The following CCDC122 variants were observed in gnomAD, a reference collection of about 807,000 sequenced individuals.
CCDC122 encodes the protein coiled-coil domain containing 122.
A neutral mutation model predicts 37.0 loss-of-function variants in CCDC122; 38 were observed. That is an observed-to-expected ratio of 1.03 (90% CI 0.79 to 1.35). The LOEUF (loss-of-function observed/expected upper bound fraction) is 1.35, where lower values mean the gene tolerates loss of function less well. Ranked by LOEUF, CCDC122 falls within the 40% of genes most tolerant of loss-of-function variation. CCDC122 has a pLI of 0.00. For missense variants in CCDC122, 305 were observed against 310.0 expected (o/e 0.98, Z 0.12); for synonymous variants, 83 against 95.6 (o/e 0.87, Z 0.77).
At chr13:43,828,634 T>A (rs1953061990) in intron 3 of CCDC122, among the ~76,000 whole-genome samples, 1 of 151,400 alleles carries the variant, frequency 6.6e-6, no homozygotes, top group Non-Finnish European at 1.5e-5. Flanking sequence ...ATCTCCTGGG[T>A]AACAAGAATT....
chr13:43,832,358 G>A (rs555341281), downstream of CCDC122, among the ~76,000 whole-genome samples: 5 of 152,088 alleles, frequency 3.3e-5, no homozygotes, highest in East Asian at 5.8e-4. Context: ...TGACTCCCCC[G>A]CAAATAGTTC....
At chr13:43,867,197 T>C (rs1954300709) in intron 4 of CCDC122, among the ~76,000 whole-genome samples, 1 of 152,156 alleles carries the variant, frequency 6.6e-6, no homozygotes, top group South Asian at 2.1e-4. Flanking sequence ...AAATTTAATA[T>C]TTGTTTCTTG....
chr13:43,845,218 T>C (rs1266669256), intron 6 of CCDC122, among the ~76,000 whole-genome samples: 1 of 152,204 alleles, frequency 6.6e-6, no homozygotes, highest in Non-Finnish European at 1.5e-5. Flanking sequence ...TATCAGTACA[T>C]GTAAAAATAT....
At chr13:43,873,512 G>A (rs1467007308) in intron 2 of CCDC122, among the ~76,000 whole-genome samples, 2 of 152,118 alleles carry the variant, frequency 1.3e-5, no homozygotes, top group African/African-American at 4.8e-5. Context: ...AGAGCCCAAG[G>A]CAATTCAACT....
chr13:43,820,373 A>T (rs1952984703), downstream of CCDC122, among the ~76,000 whole-genome samples: 1 of 152,178 alleles, frequency 6.6e-6, no homozygotes. Flanking sequence ...TTCAGGTCTA[A>T]GGCGGGGAAT....
At chr13:43,850,086 T>C (rs962497606) in intron 6 of CCDC122, among the ~76,000 whole-genome samples, 3 of 152,134 alleles carry the variant, frequency 2.0e-5, no homozygotes, top group African/African-American at 7.2e-5. Flanking sequence ...TTAGGAGTAG[T>C]AGCAAGGATT....
chr13:43,844,476 T>C (rs944587965), intron 6 of CCDC122, among the ~76,000 whole-genome samples: 7 of 152,060 alleles, frequency 4.6e-5, no homozygotes, highest in Admixed American at 3.9e-4. Context: ...GTAGTTGTTA[T>C]GTGGAGTGCT....
chr13:43,854,478 T>C (rs1052782591), intron 6 of CCDC122: 2 of 152,188 alleles, frequency 1.3e-5, no homozygotes, highest in African/African-American at 4.8e-5. Flanking sequence ...ATTAATTCAG[T>C]AATAAATAGC....
rs1415071019 is a variant in CCDC122, at chr13:43,860,028, CAG to C, written c.197_198del (p.Ser66CysfsTer4). The stretch of plus-strand genomic sequence containing the variant: ...TGTCTTTCTGTTTCTTTAGTTTCTG[CAG>C]AGATAGCTGCTATTTCTTTTTCAAG... ...HELEKEIAAISAETKETERQI... is the reference protein window; with the variant it reads ...HELEKEIAAIXAETKETERQI... On this transcript the variant is annotated frameshift_variant, in exon 5 of 7. Transcript: ENST00000444614. LOFTEE classifies it high-confidence loss of function. The C allele has an allele frequency of 3.8e-6, 6 of 1,559,830 alleles. No individual in the cohort carries two copies. The African/African-American group carries it at 5.5e-5, about 14-fold the overall frequency.
intron 3 of CCDC122, 64 bp downstream of exon 3, chr13:43,869,267 G>T: frequency 8.3e-7 from 1 of 1,203,400 alleles, no homozygotes; most frequent in Non-Finnish European, 1.2e-6. Flanking sequence ...CAATTATCCT[G>T]CCAGACTACT....
At chr13:43,829,631 A>G (rs1594810302) in intron 3 of CCDC122, among the ~76,000 whole-genome samples, 1 of 152,148 alleles carries the variant, frequency 6.6e-6, no homozygotes, top group South Asian at 2.1e-4. Flanking sequence ...CTGAGAAAGA[A>G]TGGTTTGAGA....
chr13:43,877,433 C>T (rs140642792), intron 1 of CCDC122, among the ~76,000 whole-genome samples: 11 of 152,298 alleles, frequency 7.2e-5, no homozygotes, highest in African/African-American at 2.6e-4. Context: ...ATATAATTTA[C>T]ATACCACAAA....
chr13:43,874,771 TAAGAG>T (rs1345143897), intron 2 of CCDC122, 66 bp downstream of exon 2: 2 of 152,278 alleles, frequency 1.3e-5, no homozygotes, highest in Non-Finnish European at 2.9e-5. Context: ...AACATGTTTT[TAAGAG>T]AAGTTAGAAC....
downstream of CCDC122, among the ~76,000 whole-genome samples, chr13:43,819,479 T>C (rs1414802999): frequency 6.6e-6 from 1 of 152,156 alleles, no homozygotes; most frequent in Non-Finnish European, 1.5e-5. Flanking sequence ...GGACATCCAT[T>C]AGAATGAAAA....
intron 4 of CCDC122, among the ~76,000 whole-genome samples, chr13:43,867,022 T>C (rs1954294244): frequency 6.6e-6 from 1 of 152,130 alleles, no homozygotes. Context: ...AGAAAAACAT[T>C]CATTATTTCA....
chr13:43,868,309 A>C (rs1954339167), intron 4 of CCDC122, among the ~76,000 whole-genome samples: 1 of 152,122 alleles, frequency 6.6e-6, no homozygotes, highest in African/African-American at 2.4e-5. Context: ...AGGAACATAG[A>C]GGGAGGCTAC....
chr13:43,858,074 C>T (rs757357162), intron 6 of CCDC122: 3 of 151,854 alleles, frequency 2.0e-5, no homozygotes, highest in African/African-American at 4.8e-5. Flanking sequence ...TTTTTAATAG[C>T]GAATATGTAA....
intron 6 of CCDC122, among the ~76,000 whole-genome samples, chr13:43,851,337 T>C (rs1218456329): frequency 6.6e-6 from 1 of 152,198 alleles, no homozygotes; most frequent in East Asian, 1.9e-4. Flanking sequence ...TGTGAGGTGA[T>C]GAAAATTTCT....
At chr13:43,844,261 T>C (rs1038524141) in intron 6 of CCDC122, among the ~76,000 whole-genome samples, 13 of 152,150 alleles carry the variant, frequency 8.5e-5, no homozygotes, top group East Asian at 1.9e-4. Flanking sequence ...AAATATATTC[T>C]AATTTTTCTC....
Sources: gnomAD v4.1 joint callset for allele counts (sites outside exome capture counted in the v4.1 genomes callset) on GRCh38, gnomAD v4.1.1 for gene constraint, MANE v1.5 for transcripts, NCBI Gene and HGNC (gene_info 2026-07-23, HGNC 2026-07-21) for gene names.